The following ZFPM2 variants were observed in gnomAD, a reference collection of about 807,000 sequenced individuals.
ZFPM2 encodes zinc finger protein, FOG family member 2, also known as zinc finger protein ZFPM2.
In ZFPM2, 20 loss-of-function variants were observed where a neutral mutation model predicts 98.6. That is an observed-to-expected ratio of 0.20 (90% CI 0.14 to 0.29). The LOEUF (loss-of-function observed/expected upper bound fraction) is 0.29, where lower values mean the gene tolerates loss of function less well. ZFPM2 is among the 10% of genes least tolerant of loss of function. The pLI, the probability that ZFPM2 is intolerant of heterozygous loss-of-function variation, is 1.00. For missense variants in ZFPM2, 1,310 were observed against 1,388.6 expected, an observed-to-expected ratio of 0.94 and a Z score of 0.90; for synonymous variants, 518 against 502.7, an observed-to-expected ratio of 1.03 and a Z score of -0.41.
intron 5 of ZFPM2, among the ~76,000 whole-genome samples, chr8:105,741,857 A>G (rs1262519720): frequency 6.6e-6 from 1 of 152,094 alleles, no homozygotes; most frequent in Admixed American, 6.6e-5. Flanking sequence ...AACAAGATAC[A>G]GGTTTTGCCA....
intron 1 of ZFPM2, among the ~76,000 whole-genome samples, chr8:105,378,111 T>G (rs1677286078): frequency 1.3e-5 from 2 of 152,176 alleles, no homozygotes; most frequent in Admixed American, 1.3e-4. Flanking sequence ...ACTGGGATAT[T>G]GGATGATATA....
chr8:105,326,462 C>A, intron 1 of ZFPM2, among the ~76,000 whole-genome samples: 1 of 151,632 alleles, frequency 6.6e-6, no homozygotes, highest in East Asian at 1.9e-4. Context: ...CTATATGCAG[C>A]TTACAATTTC....
At chr8:105,355,493 T>C (rs1812723732) in intron 1 of ZFPM2, among the ~76,000 whole-genome samples, 1 of 152,248 alleles carries the variant, frequency 6.6e-6, no homozygotes. Context: ...ATTATAGAGC[T>C]GTGTACCTTA....
At chr8:105,616,591 A>T (rs749776680) in intron 4 of ZFPM2, 1 of 257,572 alleles carries the variant, frequency 3.9e-6, no homozygotes, top group South Asian at 4.2e-5. Flanking sequence ...ATGTGCACTT[A>T]CTGTGTTTCA....
At chr8:105,498,451 A>G (rs1306345007) in intron 3 of ZFPM2, among the ~76,000 whole-genome samples, 1 of 152,198 alleles carries the variant, frequency 6.6e-6, no homozygotes, top group East Asian at 1.9e-4. Flanking sequence ...AAGAAGGCAG[A>G]AAATATTTCA....
intron 1 of ZFPM2, among the ~76,000 whole-genome samples, chr8:105,319,295 C>G (rs1200377881): frequency 6.6e-6 from 1 of 152,184 alleles, no homozygotes; most frequent in Non-Finnish European, 1.5e-5. Context: ...GTCGTCCAGC[C>G]GGAGGGGCAG....
At chr8:105,668,064 T>TA (rs1257767540) in intron 5 of ZFPM2, among the ~76,000 whole-genome samples, 3 of 152,112 alleles carry the variant, frequency 2.0e-5, no homozygotes, top group African/African-American at 7.2e-5. Context: ...ACAAATCCCA[T>TA]AGGAGGGACT....
chr8:105,555,969 T>C (rs1316547472), intron 3 of ZFPM2, among the ~76,000 whole-genome samples: 1 of 152,094 alleles, frequency 6.6e-6, no homozygotes, highest in Non-Finnish European at 1.5e-5. Flanking sequence ...GGGAGAGCAG[T>C]AGAACGCAAG....
At chr8:105,388,657 T>C (rs571293776) in intron 1 of ZFPM2, among the ~76,000 whole-genome samples, 1 of 152,296 alleles carries the variant, frequency 6.6e-6, no homozygotes, top group Non-Finnish European at 1.5e-5. Flanking sequence ...AAAGGCAGCA[T>C]TGGAGAATAT....
At chr8:105,744,155 G>A (rs1343594352) in intron 5 of ZFPM2, among the ~76,000 whole-genome samples, 1 of 152,024 alleles carries the variant, frequency 6.6e-6, no homozygotes, top group Non-Finnish European at 1.5e-5. Context: ...CACGGCTAAA[G>A]AGCTTGGATT....
chr8:105,345,559 G>A (rs538745243), intron 1 of ZFPM2, among the ~76,000 whole-genome samples: 45 of 149,734 alleles, frequency 3.0e-4, no homozygotes, highest in African/African-American at 1.0e-3. Flanking sequence ...TTCCTTAAAC[G>A]TATGGAAGCT....
chr8:105,350,688 A>G (rs563967500), intron 1 of ZFPM2, among the ~76,000 whole-genome samples: 142 of 152,276 alleles, frequency 9.3e-4, no homozygotes, highest in Non-Finnish European at 1.7e-3. Flanking sequence ...ATATTTTAGC[A>G]TATTAGTATA....
At chr8:105,482,198 A>AT (rs761865778) in intron 3 of ZFPM2, among the ~76,000 whole-genome samples, 45 of 152,246 alleles carry the variant, frequency 3.0e-4, no homozygotes, top group Non-Finnish European at 5.3e-4. Flanking sequence ...ATGGAAGTCA[A>AT]TTTTTATTTC....
In ZFPM2 at chr8:105,461,301, A is replaced by C. The variant is rs1318767841; in HGVS notation, c.301+16920A>C. Among the ~76,000 whole-genome samples the C allele has an allele frequency of 2.0e-5, 3 of 152,186 alleles. No individual in the cohort carries two copies. The East Asian group carries it at 5.8e-4, about 29-fold the overall frequency. On this transcript the variant is annotated intron_variant, in intron 3 of 7. Transcript: ENST00000407775. The stretch of plus-strand genomic sequence containing the variant: ...AAAAACTTGAAATGCCAGATATTCA[A>C]ATACAGTAAAATGAAGATGGCATTA...
chr8:105,765,352 T>C (rs1563554359), intron 5 of ZFPM2, among the ~76,000 whole-genome samples: 1 of 151,828 alleles, frequency 6.6e-6, no homozygotes, highest in Non-Finnish European at 1.5e-5. Flanking sequence ...CCACTGTCAA[T>C]TTCCCCTTAA....
At chr8:105,525,885 T>G (rs1814164343) in intron 3 of ZFPM2, among the ~76,000 whole-genome samples, 2 of 152,156 alleles carry the variant, frequency 1.3e-5, no homozygotes, top group African/African-American at 4.8e-5. Context: ...GGCCTACATT[T>G]TGAATGATGG....
chr8:105,519,028 T>C (rs1813996764), intron 3 of ZFPM2, among the ~76,000 whole-genome samples: 1 of 152,196 alleles, frequency 6.6e-6, no homozygotes, highest in Non-Finnish European at 1.5e-5. Flanking sequence ...TTCCTATGTA[T>C]CACACACCAT....
At chr8:105,539,507 C>A (rs571732176) in intron 3 of ZFPM2, among the ~76,000 whole-genome samples, 1 of 152,084 alleles carries the variant, frequency 6.6e-6, no homozygotes, top group Non-Finnish European at 1.5e-5. Context: ...GCAGTGCCTA[C>A]ACATCTTGGA....
intron 4 of ZFPM2, among the ~76,000 whole-genome samples, chr8:105,613,131 C>T (rs545976218): frequency 6.6e-6 from 1 of 152,074 alleles, no homozygotes; most frequent in Non-Finnish European, 1.5e-5. Context: ...TAATTAACAG[C>T]AGGCAAAATA....
Sources: allele counts gnomAD v4.1 joint callset (sites outside exome capture counted in the v4.1 genomes callset), GRCh38; gene constraint gnomAD v4.1.1; transcripts MANE v1.5; gene names NCBI Gene and HGNC (gene_info 2026-07-23, HGNC 2026-07-21).